SPAG16: variants seen among roughly 807,000 people sequenced by gnomAD.
SPAG16 encodes the protein sperm associated antigen 16.
In SPAG16, 86 loss-of-function variants were observed where a neutral mutation model predicts 80.4. The ratio of observed to expected loss-of-function variants is 1.07; its 90% CI spans 0.90 to 1.28. SPAG16 has a LOEUF of 1.28. SPAG16 is among the 50% of genes most tolerant of loss of function. SPAG16 has a pLI of 0.00. For missense variants in SPAG16, 870 were observed against 765.3 expected, an observed-to-expected ratio of 1.14 and a Z score of -1.61; for synonymous variants, 294 against 265.9, an observed-to-expected ratio of 1.11 and a Z score of -1.03.
chr2:213,877,394 C>T (rs1425387891), intron 11 of SPAG16, among the ~76,000 whole-genome samples: 1 of 152,056 alleles, frequency 6.6e-6, no homozygotes, highest in East Asian at 1.9e-4. Context: ...ACTACAGCCT[C>T]AACCTCCCAA....
At chr2:213,980,174 G>A (rs758248901) in intron 12 of SPAG16, among the ~76,000 whole-genome samples, 9 of 147,038 alleles carry the variant, frequency 6.1e-5, no homozygotes, top group African/African-American at 1.0e-4. Context: ...GTGAAACCCC[G>A]TCTCTACTAA....
At chr2:213,603,001 G>A (rs188055521) in intron 10 of SPAG16, among the ~76,000 whole-genome samples, 19 of 152,164 alleles carry the variant, frequency 1.2e-4, no homozygotes, top group African/African-American at 3.9e-4. Flanking sequence ...AGCTTTTTTC[G>A]CAATAACAAA....
intron 15 of SPAG16, among the ~76,000 whole-genome samples, chr2:214,404,115 T>C (rs1417636167): frequency 6.6e-6 from 1 of 152,162 alleles, no homozygotes; most frequent in Non-Finnish European, 1.5e-5. Context: ...GGCAAATTGT[T>C]TGATGGAGAG....
intron 15 of SPAG16, among the ~76,000 whole-genome samples, chr2:214,184,225 C>T (rs755751215): frequency 6.6e-6 from 1 of 151,968 alleles, no homozygotes; most frequent in Non-Finnish European, 1.5e-5. Context: ...TGATAAAATG[C>T]ATAATTCTTG....
chr2:213,991,579 G>A (rs931264401), intron 12 of SPAG16, among the ~76,000 whole-genome samples: 5 of 151,990 alleles, frequency 3.3e-5, no homozygotes, highest in African/African-American at 4.8e-5. Context: ...CTGGACCCCC[G>A]CACTTGTCCC....
At position 213,699,871 on chromosome 2, in the gene SPAG16, C is replaced by T. The variant is rs578205940; in HGVS notation, c.1071-162614C>T. Among the ~76,000 whole-genome samples the T allele has an allele frequency of 2.3e-3, 354 of 152,234 alleles. 4 individuals are homozygous for T. The highest frequency in any genetic ancestry group is 2.1e-4 in the Non-Finnish European group (14 of 68,004). ...TTTGTCCTTGAAGTCATCAGTAAAG[C>T]TTGATACTAAGTAAGGTTTATAATT... On this transcript the variant is annotated intron_variant, in intron 10 of 15. Transcript: ENST00000331683.
intron 15 of SPAG16, among the ~76,000 whole-genome samples, chr2:214,231,089 T>C (rs1429197135): frequency 6.6e-6 from 1 of 151,988 alleles, no homozygotes; most frequent in Admixed American, 6.6e-5. Flanking sequence ...ATGCTTGGTG[T>C]CCTATGTCGT....
chr2:214,410,125 C>G lies in SPAG16; in HGVS notation c.1721-15C>G. The G allele has an allele frequency of 6.2e-7, 1 of 1,613,018 alleles. No homozygotes were observed. The highest frequency in any genetic ancestry group is 8.5e-7 in the Non-Finnish European group (1 of 1,179,040). On this transcript the variant is annotated splice_polypyrimidine_tract_variant and intron_variant, in intron 15 of 15. Coordinates refer to ENST00000331683, the MANE Select transcript of SPAG16 (RefSeq NM_024532.5). Reference sequence around the variant, plus strand: ...TTGATTCATTCTCTCTCTCTCTCCTCTCTGTCTCCCTCAGGTCGAGTTTTA... The same window carrying G: ...TTGATTCATTCTCTCTCTCTCTCCTGTCTGTCTCCCTCAGGTCGAGTTTTA...
intron 15 of SPAG16, among the ~76,000 whole-genome samples, chr2:214,370,592 T>A (rs1248306251): frequency 1.3e-5 from 2 of 151,968 alleles, no homozygotes; most frequent in Non-Finnish European, 2.9e-5. Context: ...GGTGAGAACA[T>A]TTAAGGTCTA....
intron 3 of SPAG16, among the ~76,000 whole-genome samples, chr2:213,298,043 A>C (rs1235869040): frequency 6.6e-6 from 1 of 152,142 alleles, no homozygotes; most frequent in East Asian, 1.9e-4. Flanking sequence ...TGCCTTCCTC[A>C]GTGTGGAATT....
At chr2:214,210,416 AT>A (rs1005554668) in intron 15 of SPAG16, among the ~76,000 whole-genome samples, 3 of 152,142 alleles carry the variant, frequency 2.0e-5, no homozygotes, top group Non-Finnish European at 4.4e-5. Flanking sequence ...TATAAAATGT[AT>A]TTAGATATTA....
intron 15 of SPAG16, among the ~76,000 whole-genome samples, chr2:214,408,099 C>A (rs1277817307): frequency 6.6e-6 from 1 of 152,116 alleles, no homozygotes; most frequent in Non-Finnish European, 1.5e-5. Flanking sequence ...GTTCCAATAT[C>A]ATTTTCTGTA....
intron 11 of SPAG16, among the ~76,000 whole-genome samples, chr2:213,893,075 A>G (rs1205743950): frequency 6.6e-6 from 1 of 152,140 alleles, no homozygotes; most frequent in Non-Finnish European, 1.5e-5. Flanking sequence ...GAAAAGAAGG[A>G]AAATAAAAAG....
intron 12 of SPAG16, among the ~76,000 whole-genome samples, chr2:213,943,375 T>C (rs113868633): frequency 2.6e-5 from 4 of 152,260 alleles, no homozygotes; most frequent in African/African-American, 9.6e-5. Flanking sequence ...AGAAGAGAGC[T>C]AGAAAGGTCT....
chr2:214,377,756 G>A (rs1466516596), intron 15 of SPAG16, among the ~76,000 whole-genome samples: 1 of 152,114 alleles, frequency 6.6e-6, no homozygotes, highest in Non-Finnish European at 1.5e-5. Flanking sequence ...TATTAGCAGT[G>A]CTTATTGGTA....
chr2:213,699,234 G>A (rs1345642659), intron 10 of SPAG16, among the ~76,000 whole-genome samples: 3 of 150,996 alleles, frequency 2.0e-5, no homozygotes, highest in South Asian at 2.1e-4. Context: ...TATTTTTTCT[G>A]TTTTCCTTAC....
At chr2:213,685,156 C>T (rs2064601153) in intron 10 of SPAG16, among the ~76,000 whole-genome samples, 1 of 152,190 alleles carries the variant, frequency 6.6e-6, no homozygotes. Flanking sequence ...TTATGGGTTG[C>T]ATTATGTCAC....
At chr2:213,310,000 A>G (rs1482100915) in intron 3 of SPAG16, 59 bp from the exon 4 acceptor site, 5 of 1,091,384 alleles carry the variant, frequency 4.6e-6, no homozygotes, top group Non-Finnish European at 5.5e-6. Context: ...AGGCTTATCT[A>G]TATCATTAAT....
intron 10 of SPAG16, among the ~76,000 whole-genome samples, chr2:213,742,522 C>T (rs941445990): frequency 6.6e-6 from 1 of 151,194 alleles, no homozygotes; most frequent in African/African-American, 2.4e-5. Flanking sequence ...CACTCTTGAT[C>T]CCTCCTGTCT....
Sources: gnomAD v4.1 joint callset for allele counts (sites outside exome capture counted in the v4.1 genomes callset) on GRCh38, gnomAD v4.1.1 for gene constraint, MANE v1.5 for transcripts, NCBI Gene and HGNC (gene_info 2026-07-23, HGNC 2026-07-21) for gene names.